TMEM131: variants seen among roughly 807,000 people sequenced by gnomAD.
TMEM131 encodes the protein transmembrane protein 131.
A neutral mutation model predicts 211.6 loss-of-function variants in TMEM131; 66 were observed. That is an observed-to-expected ratio of 0.31 (90% CI 0.26 to 0.38). TMEM131 has a LOEUF of 0.38. Among genes scored for constraint, TMEM131 ranks in the 10% least tolerant of loss-of-function variants. The pLI, the probability that TMEM131 is intolerant of heterozygous loss-of-function variation, is 1.00. For synonymous variants in TMEM131, 844 were observed against 841.3 expected (o/e 1.00, Z -0.06); for missense variants, 2,036 against 2,299.3 (o/e 0.89, Z 2.34).
chr2:97,991,765 G>A (rs1012537027), intron 1 of TMEM131, among the ~76,000 whole-genome samples: 3 of 152,178 alleles, frequency 2.0e-5, no homozygotes, highest in African/African-American at 7.2e-5. Flanking sequence ...GTCACATATA[G>A]GCAAGAGAGA....
At chr2:97,919,837 T>C (rs1676668375) in intron 2 of TMEM131, among the ~76,000 whole-genome samples, 1 of 152,212 alleles carries the variant, frequency 6.6e-6, no homozygotes, top group African/African-American at 2.4e-5. Context: ...CCCAAAGTAC[T>C]GGGATTACAG....
chr2:97,987,553 C>T (rs775734916), intron 1 of TMEM131, among the ~76,000 whole-genome samples: 4 of 152,000 alleles, frequency 2.6e-5, no homozygotes, highest in African/African-American at 4.8e-5. Context: ...TTAGAACTAA[C>T]GAGGGCTTAA....
intron 34 of TMEM131, 88 bp downstream of exon 34, chr2:97,766,390 T>C: frequency 6.2e-7 from 1 of 1,602,284 alleles, no homozygotes; most frequent in Non-Finnish European, 8.5e-7. Context: ...AACTACTGAC[T>C]GCTTACTGAT....
chr2:97,808,023 AT>A (rs530500854), intron 19 of TMEM131, among the ~76,000 whole-genome samples: 41 of 150,266 alleles, frequency 2.7e-4, no homozygotes, highest in East Asian at 1.9e-3. Flanking sequence ...AGTGTTTTAG[AT>A]TTTTTTTTTG....
intron 38 of TMEM131, chr2:97,760,318 G>T: frequency 1.0e-5 from 5 of 484,852 alleles, no homozygotes; most frequent in Non-Finnish European, 1.1e-5. Context: ...CCAGGAGATG[G>T]AGGAGAGTGA....
intron 11 of TMEM131, among the ~76,000 whole-genome samples, chr2:97,829,885 G>T (rs868381745): frequency 6.6e-6 from 1 of 152,092 alleles, no homozygotes; most frequent in East Asian, 1.9e-4. Context: ...TTATCAGCCT[G>T]TACAACACCA....
intron 1 of TMEM131, among the ~76,000 whole-genome samples, chr2:97,940,580 G>A (rs764954188): frequency 5.9e-5 from 9 of 152,082 alleles, no homozygotes; most frequent in East Asian, 1.9e-4. Context: ...AGGCCAAGAC[G>A]GGCGGATCAC....
intron 1 of TMEM131, among the ~76,000 whole-genome samples, chr2:97,946,962 AAATT>A (rs1678073166): frequency 1.3e-5 from 2 of 152,050 alleles, no homozygotes; most frequent in African/African-American, 4.8e-5. Flanking sequence ...TTAAAAAACA[AAATT>A]AATCATTTCA....
At chr2:97,957,367 CAT>C (rs750306004) in intron 1 of TMEM131, among the ~76,000 whole-genome samples, 28 of 152,258 alleles carry the variant, frequency 1.8e-4, no homozygotes, top group Admixed American at 2.6e-4. Context: ...TATTTAGTCA[CAT>C]GTTTTACTTT....
chr2:97,913,684 AAAAAT>A (rs1676384779), intron 2 of TMEM131, among the ~76,000 whole-genome samples: 2 of 152,220 alleles, frequency 1.3e-5, no homozygotes. Context: ...ATCTTGTTAG[AAAAAT>A]AAAATGAAAT....
chr2:97,872,875 G>C (rs1460168959), intron 4 of TMEM131, among the ~76,000 whole-genome samples: 1 of 152,134 alleles, frequency 6.6e-6, no homozygotes, highest in East Asian at 1.9e-4. Flanking sequence ...TTGGCACCTG[G>C]AACACCAGCA....
At chr2:97,898,700 G>A (rs77118907) in intron 3 of TMEM131, among the ~76,000 whole-genome samples, 1,984 of 152,220 alleles carry the variant, frequency 0.013, 26 homozygotes, top group Non-Finnish European at 0.021. Flanking sequence ...CCAGTTTATG[G>A]TATTTTGTTA....
intron 2 of TMEM131, among the ~76,000 whole-genome samples, chr2:97,916,950 A>G (rs915316506): frequency 6.6e-6 from 1 of 152,152 alleles, no homozygotes; most frequent in Admixed American, 6.5e-5. Context: ...CATTTTTCAA[A>G]TTTTCTACAA....
In TMEM131 at chr2:97,818,691, T is replaced by C. The variant is rs376535762; in HGVS notation, c.1105A>G (p.Ile369Val). 13 of 1,606,690 alleles carry C rather than the reference T, an allele frequency of 8.1e-6. No individual in the cohort carries two copies. The African/African-American group carries it at 9.3e-5, about 12-fold the overall frequency. Reference protein sequence around the residue: ...SVRPTPQNDAITVHFKPITLK... With the variant: ...SVRPTPQNDAVTVHFKPITLK... ...GTAATTGGTTTAAAGTGTACCGTTA[T>C]AGCATCATTTTGTGGTGTAGGTCGA... The change falls in exon 12 of 41, where the codon ATA becomes GTA. Residue 369 changes from isoleucine (I) to valine (V), a missense_variant. Around this residue, in one of 3 missense-constraint regions of TMEM131, gnomAD observed 277 missense variants for 378.0 expected, o/e 0.73. Coordinates refer to ENST00000186436, the MANE Select transcript of TMEM131 (RefSeq NM_015348.2).
At chr2:97,834,583 A>G in intron 10 of TMEM131, 38 bp downstream of exon 10, 1 of 1,480,506 alleles carries the variant, frequency 6.8e-7, no homozygotes, top group Non-Finnish European at 9.0e-7. Context: ...TAAAAAAAAA[A>G]AAAACTCCAT....
chr2:97,958,969 A>G (rs542628295), intron 1 of TMEM131, among the ~76,000 whole-genome samples: 1 of 152,356 alleles, frequency 6.6e-6, no homozygotes, highest in South Asian at 2.1e-4. Flanking sequence ...TGTGTCATGG[A>G]AGCCAAGAAA....
At chr2:97,912,876 T>C (rs931400498) in intron 2 of TMEM131, among the ~76,000 whole-genome samples, 1 of 152,234 alleles carries the variant, frequency 6.6e-6, no homozygotes, top group Non-Finnish European at 1.5e-5. Flanking sequence ...AATGGACTCT[T>C]CTTCCAATCA....
chr2:97,759,556 C>T, intron 39 of TMEM131, 96 bp downstream of exon 39: 4 of 1,072,946 alleles, frequency 3.7e-6, no homozygotes, highest in Non-Finnish European at 4.2e-6. Context: ...TTCCACAGTG[C>T]TGCTGTGCTG....
Position 97,775,891 on chromosome 2 carries a change from G to A in TMEM131, c.4272C>T (p.Ser1424=). 6.2e-7 allele frequency: 1 copy of A among 1,613,954 alleles called. No homozygotes were observed. The highest frequency in any genetic ancestry group is 8.5e-7 in the Non-Finnish European group (1 of 1,179,876). ...KDSLADDDSS[S]TTTETSNPDT... ...CAGGGTTGGAGGTCTCTGTGGTGGT[G>A]GAGGAGCTATCATCATCAGCCAAAG... The change falls in exon 32 of 41, where the codon TCC becomes TCT. Residue 1424 remains serine (S), a synonymous_variant. Coordinates refer to ENST00000186436, the MANE Select transcript of TMEM131 (RefSeq NM_015348.2).
Sources: allele counts gnomAD v4.1 joint callset (sites outside exome capture counted in the v4.1 genomes callset), GRCh38; gene constraint gnomAD v4.1.1; regional missense constraint gnomAD v4.1.1; transcripts MANE v1.5; gene names NCBI Gene and HGNC (gene_info 2026-07-23, HGNC 2026-07-21).